SNTG1: variants seen among roughly 807,000 people sequenced by gnomAD.
SNTG1 encodes the protein syntrophin gamma 1.
SNTG1 carries 39 observed loss-of-function variants against 74.7 expected under a neutral mutation model. The observed-to-expected ratio is 0.52, with a 90% CI of 0.40 to 0.68. The LOEUF (loss-of-function observed/expected upper bound fraction) is 0.68, where lower values mean the gene tolerates loss of function less well. SNTG1 is among the 30% of genes least tolerant of loss of function. The pLI is 0.00. For missense variants in SNTG1, 685 were observed against 609.5 expected (o/e 1.12, Z -1.30); for synonymous variants, 254 against 217.1 (o/e 1.17, Z -1.49).
chr8:50,390,069 C>A (rs578060673), intron 2 of SNTG1, among the ~76,000 whole-genome samples: 57 of 151,498 alleles, frequency 3.8e-4, no homozygotes, highest in African/African-American at 1.3e-3. Context: ...TTTTGCTGTG[C>A]AGAAGCTCTT....
At chr8:50,591,706 G>T (rs1292154218) in intron 13 of SNTG1, among the ~76,000 whole-genome samples, 1 of 152,164 alleles carries the variant, frequency 6.6e-6, no homozygotes, top group African/African-American at 2.4e-5. Context: ...TAATGATGCT[G>T]CTAGCCCAAA....
chr8:50,745,966 A>G (rs1330786361), intron 17 of SNTG1, among the ~76,000 whole-genome samples: 1 of 152,020 alleles, frequency 6.6e-6, no homozygotes, highest in African/African-American at 2.4e-5. Flanking sequence ...ATTACACAAC[A>G]TTGTGAATGT....
intron 8 of SNTG1, among the ~76,000 whole-genome samples, chr8:50,482,456 C>T (rs1273387671): frequency 6.6e-6 from 1 of 152,190 alleles, no homozygotes; most frequent in African/African-American, 2.4e-5. Flanking sequence ...TTTTGTAACA[C>T]TGTCTCATTT....
intron 1 of SNTG1, among the ~76,000 whole-genome samples, chr8:50,103,450 G>A (rs2080230426): frequency 6.6e-6 from 1 of 152,170 alleles, no homozygotes; most frequent in African/African-American, 2.4e-5. Flanking sequence ...TCAGCTTAAG[G>A]AGATTTTGGG....
At chr8:50,537,446 A>G (rs1233358679) in intron 11 of SNTG1, among the ~76,000 whole-genome samples, 1 of 152,190 alleles carries the variant, frequency 6.6e-6, no homozygotes, top group Admixed American at 6.5e-5. Flanking sequence ...TTCTTATATT[A>G]TTATCTATTT....
chr8:50,530,787 A>G lies in SNTG1; in HGVS notation c.549+528A>G, dbSNP rs894575918. Among the ~76,000 whole-genome samples the G allele has an allele frequency of 7.2e-5, 11 of 152,328 alleles. No homozygotes were observed. The East Asian group carries it at 7.7e-4, about 11-fold the overall frequency. ...TAAAATTAAACTTTGTTTTATAGAT[A>G]TTTAATACAATTTTAATCTTTGTTC... On this transcript the variant is annotated intron_variant, in intron 10 of 18. Transcript: ENST00000642720.
intron 2 of SNTG1, among the ~76,000 whole-genome samples, chr8:50,303,823 G>T (rs2089758661): frequency 6.6e-6 from 1 of 152,046 alleles, no homozygotes. Flanking sequence ...TCAGAGTCAA[G>T]AATTACAATT....
In SNTG1 at chr8:50,392,559, G is replaced by C. The variant is rs184129871; in HGVS notation, c.-27-1653G>C. 2.1e-4 allele frequency among the ~76,000 whole-genome samples: 32 copies of C among 152,260 alleles called. No homozygotes were observed. The East Asian group carries it at 5.4e-3, about 26-fold the overall frequency. ...TTGGTGATGTGAAGCTTTAGCAAGA[G>C]TAACTTCATTTTGATATGGTCTAGT... On this transcript the variant is annotated intron_variant, in intron 2 of 18. Coordinates refer to ENST00000642720, the MANE Select transcript of SNTG1 (RefSeq NM_018967.5).
chr8:50,075,885 CG>C (rs1821828630), intron 1 of SNTG1, among the ~76,000 whole-genome samples: 1 of 152,028 alleles, frequency 6.6e-6, no homozygotes, highest in Non-Finnish European at 1.5e-5. Flanking sequence ...GAAGAAACTC[CG>C]AACACGTCAG....
At chr8:49,938,588 T>C (rs1018747959) in intron 1 of SNTG1, among the ~76,000 whole-genome samples, 6 of 35,672 alleles carry the variant, frequency 1.7e-4, no homozygotes, top group African/African-American at 5.1e-4. Context: ...TTTTCTTTTC[T>C]TTTCTTTTCT....
intron 4 of SNTG1, among the ~76,000 whole-genome samples, chr8:50,412,037 T>C (rs777699769): frequency 1.3e-5 from 2 of 152,110 alleles, no homozygotes; most frequent in Non-Finnish European, 2.9e-5. Flanking sequence ...TAGAAGCAAA[T>C]GAATGATAAT....
intron 5 of SNTG1, among the ~76,000 whole-genome samples, chr8:50,439,568 A>C (rs2093338475): frequency 6.6e-6 from 1 of 152,202 alleles, no homozygotes; most frequent in Non-Finnish European, 1.5e-5. Flanking sequence ...ACTAGCTTCA[A>C]AACATATTTT....
At chr8:50,049,254 T>G (rs1004103580) in intron 1 of SNTG1, among the ~76,000 whole-genome samples, 2 of 152,048 alleles carry the variant, frequency 1.3e-5, no homozygotes, top group African/African-American at 2.4e-5. Context: ...AAGATCCAAC[T>G]GCATTATCTA....
At chr8:50,557,104 G>A (rs557117910) in intron 12 of SNTG1, among the ~76,000 whole-genome samples, 1 of 151,994 alleles carries the variant, frequency 6.6e-6, no homozygotes, top group South Asian at 2.1e-4. Flanking sequence ...CCTGGAAAGT[G>A]GGGGTGGGCA....
chr8:50,709,170 G>C, intron 17 of SNTG1, 192 bp downstream of exon 17: 2 of 560,674 alleles, frequency 3.6e-6, no homozygotes, highest in East Asian at 2.8e-5. Context: ...AACATATGTA[G>C]TACCACAAAA....
At chr8:50,431,909 G>A (rs901119052) in intron 4 of SNTG1, among the ~76,000 whole-genome samples, 1 of 152,036 alleles carries the variant, frequency 6.6e-6, no homozygotes, top group Non-Finnish European at 1.5e-5. Context: ...TGAGTTATTT[G>A]TATATTTTGG....
intron 13 of SNTG1, among the ~76,000 whole-genome samples, chr8:50,640,940 C>A (rs140755188): frequency 6.6e-6 from 1 of 152,132 alleles, no homozygotes; most frequent in Non-Finnish European, 1.5e-5. Context: ...TTCATTTTAG[C>A]GCATTCATCT....
Position 50,459,020 on chromosome 8 carries a change from T to C in SNTG1, c.363+8291T>C, listed in dbSNP as rs541048115. Among the ~76,000 whole-genome samples, 8 of 152,324 alleles carry C rather than the reference T, an allele frequency of 5.3e-5. No individual in the cohort carries two copies. The East Asian group carries it at 1.3e-3, about 26-fold the overall frequency. On this transcript the variant is annotated intron_variant, in intron 8 of 18. Coordinates refer to ENST00000642720, the MANE Select transcript of SNTG1 (RefSeq NM_018967.5). ...CTAAGGCCATACAGACTTACTGCCATGTCTTATTCTAACGGTTTTATAGTT... is the reference window on the plus strand; with the variant it reads ...CTAAGGCCATACAGACTTACTGCCACGTCTTATTCTAACGGTTTTATAGTT...
At chr8:50,501,614 T>TA (rs1157875489) in intron 8 of SNTG1, among the ~76,000 whole-genome samples, 6 of 145,374 alleles carry the variant, frequency 4.1e-5, no homozygotes, top group South Asian at 2.1e-4. Context: ...TTTTTTTATT[T>TA]TTTTTTTTTT....
Sources: allele counts gnomAD v4.1 joint callset (sites outside exome capture counted in the v4.1 genomes callset), GRCh38; gene constraint gnomAD v4.1.1; transcripts MANE v1.5; gene names NCBI Gene and HGNC (gene_info 2026-07-23, HGNC 2026-07-21).